COBL: variants seen among roughly 807,000 people sequenced by gnomAD.
COBL encodes the protein cordon-bleu WH2 repeat protein, also known as protein cordon-bleu.
Under a neutral mutation model 98.8 loss-of-function variants are expected in COBL, and 51 were observed. The ratio of observed to expected loss-of-function variants is 0.52; its 90% confidence interval spans 0.41 to 0.65. The LOEUF is 0.65. Ranked by LOEUF, COBL falls within the 30% of genes least tolerant of loss-of-function variation. COBL has a pLI of 0.00. For synonymous variants in COBL, 634 were observed against 651.7 expected (o/e 0.97, Z 0.41); for missense variants, 1,617 against 1,617.5 (o/e 1.00, Z 0.01).
chr7:51,148,833 C>A lies in COBL; in HGVS notation c.784-12502G>T, dbSNP rs894322253. 4.0e-5 allele frequency among the ~76,000 whole-genome samples: 6 copies of A among 150,890 alleles called. No homozygotes were observed. The Admixed American group carries it at 4.0e-4, about 10-fold the overall frequency. Reference sequence around the variant, plus strand: ...CAAGCCAGGGCTGGCCATTCAGACACCCCCCGGAGGACCACTGCTCCAGGC... The same window carrying A: ...CAAGCCAGGGCTGGCCATTCAGACAACCCCCGGAGGACCACTGCTCCAGGC... On this transcript the variant is annotated intron_variant, in intron 5 of 12. Transcript: ENST00000265136.
chr7:51,041,478 C>CTTTTTTTTTTTTTT (rs773830122), intron 8 of COBL, among the ~76,000 whole-genome samples: 49 of 80,024 alleles, frequency 6.1e-4, no homozygotes, highest in Non-Finnish European at 7.6e-4. Context: ...TATTTCTTTC[C>CTTTTTTTTTTTTTT]TTTTTTTTTT....
At chr7:51,053,937 T>C (rs1239901848) in intron 7 of COBL, among the ~76,000 whole-genome samples, 1 of 152,224 alleles carries the variant, frequency 6.6e-6, no homozygotes, top group Admixed American at 6.5e-5. Flanking sequence ...TCCCAGCACT[T>C]TGGGAGGCCG....
chr7:51,195,201 G>A (rs1248197855), intron 2 of COBL, among the ~76,000 whole-genome samples: 1 of 152,086 alleles, frequency 6.6e-6, no homozygotes, highest in African/African-American at 2.4e-5. Context: ...TACATGGTAT[G>A]TGGAAGGGGT....
At chr7:51,244,631 T>C (rs1796124487) in intron 1 of COBL, among the ~76,000 whole-genome samples, 1 of 152,030 alleles carries the variant, frequency 6.6e-6, no homozygotes, top group Non-Finnish European at 1.5e-5. Context: ...CCAGTTCCAA[T>C]CCCTAAGTGC....
At chr7:51,294,753 C>T (rs776029165) in intron 1 of COBL, among the ~76,000 whole-genome samples, 3 of 151,938 alleles carry the variant, frequency 2.0e-5, no homozygotes, top group Non-Finnish European at 4.4e-5. Flanking sequence ...CCTTGGGGTC[C>T]AGCAATATAA....
intron 1 of COBL, among the ~76,000 whole-genome samples, chr7:51,246,646 T>C (rs1796291429): frequency 6.6e-6 from 1 of 152,168 alleles, no homozygotes. Flanking sequence ...TCAAATAAAA[T>C]GCAGAAACGC....
chr7:51,290,014 T>C (rs752171324), intron 1 of COBL, among the ~76,000 whole-genome samples: 5 of 152,138 alleles, frequency 3.3e-5, no homozygotes, highest in Non-Finnish European at 7.3e-5. Context: ...ACAAATGAGA[T>C]ACAGAGAAAA....
At chr7:51,121,947 CAA>C (rs764263256) in intron 6 of COBL, among the ~76,000 whole-genome samples, 1 of 152,122 alleles carries the variant, frequency 6.6e-6, no homozygotes, top group Non-Finnish European at 1.5e-5. Context: ...TGACGAAGTA[CAA>C]GGATAAGAAC....
At chr7:51,052,003 T>C (rs1293867106) in intron 7 of COBL, among the ~76,000 whole-genome samples, 2 of 152,364 alleles carry the variant, frequency 1.3e-5, no homozygotes, top group South Asian at 2.1e-4. Context: ...TATTACACTA[T>C]TGGCTAATTT....
intron 6 of COBL, among the ~76,000 whole-genome samples, chr7:51,112,719 C>T (rs1209896959): frequency 6.6e-6 from 1 of 152,156 alleles, no homozygotes; most frequent in Admixed American, 6.5e-5. Flanking sequence ...AGAGGAGGGG[C>T]CCTTGGGGTC....
At chr7:51,046,115 C>T (rs1049017006) in intron 7 of COBL, among the ~76,000 whole-genome samples, 37 of 152,200 alleles carry the variant, frequency 2.4e-4, no homozygotes, top group African/African-American at 7.5e-4. Flanking sequence ...AGAAGAGTGG[C>T]ACAGGAATTG....
intron 5 of COBL, among the ~76,000 whole-genome samples, chr7:51,140,589 A>C (rs1799644420): frequency 6.6e-6 from 1 of 152,212 alleles, no homozygotes; most frequent in Admixed American, 6.5e-5. Context: ...GCTTCTGTTT[A>C]AAATGTACTC....
chr7:51,293,733 A>C (rs1337387056), intron 1 of COBL, among the ~76,000 whole-genome samples: 1 of 152,190 alleles, frequency 6.6e-6, no homozygotes, highest in African/African-American at 2.4e-5. Context: ...TCTCAATCAC[A>C]AAGAGGAAAA....
Position 51,113,226 on chromosome 7 carries a change from G to A in COBL, c.957+22932C>T, listed in dbSNP as rs150277264. Among the ~76,000 whole-genome samples, 11 of 152,310 alleles carry A rather than the reference G, an allele frequency of 7.2e-5. No individual in the cohort carries two copies. In the East Asian group the frequency reaches 1.9e-3, roughly 27 times the overall value. ...TCTTAAGAGAATGGCAAAAGCAGAT[G>A]TGTCAAGTGCAAAGGTGCAAAGTAC... On this transcript the variant is annotated intron_variant, in intron 6 of 12. Coordinates refer to ENST00000265136, the MANE Select transcript of COBL (RefSeq NM_015198.5).
At chr7:51,086,211 G>C (rs1483963942) in intron 6 of COBL, among the ~76,000 whole-genome samples, 1 of 151,966 alleles carries the variant, frequency 6.6e-6, no homozygotes, top group East Asian at 1.9e-4. Context: ...CAAAGAATGG[G>C]CCAGGCATGG....
intron 2 of COBL, among the ~76,000 whole-genome samples, chr7:51,199,129 C>G (rs1724217112): frequency 6.6e-6 from 1 of 152,170 alleles, no homozygotes; most frequent in Non-Finnish European, 1.5e-5. Context: ...ACTGCAGATA[C>G]TAAAGTAGTC....
intron 5 of COBL, among the ~76,000 whole-genome samples, chr7:51,159,064 C>A (rs7799102): frequency 0.12 from 18,935 of 152,168 alleles, 1,700 homozygotes; most frequent in African/African-American, 0.25. Flanking sequence ...TCAAGACACA[C>A]GAAGAGCTGG....
chr7:51,203,235 G>A, intron 2 of COBL, among the ~76,000 whole-genome samples: 1 of 116,814 alleles, frequency 8.6e-6, no homozygotes, highest in Non-Finnish European at 1.7e-5. Flanking sequence ...GGCCGAGGCG[G>A]GCGGATCACG....
At chr7:51,091,281 A>G (rs748947891) in intron 6 of COBL, among the ~76,000 whole-genome samples, 3 of 152,204 alleles carry the variant, frequency 2.0e-5, no homozygotes, top group Non-Finnish European at 4.4e-5. Flanking sequence ...AAAGACAGCT[A>G]AACAAAATCA....
Sources: gnomAD v4.1 joint callset for allele counts (sites outside exome capture counted in the v4.1 genomes callset) on GRCh38, gnomAD v4.1.1 for gene constraint, MANE v1.5 for transcripts, NCBI Gene and HGNC (gene_info 2026-07-23, HGNC 2026-07-21) for gene names.